KCNT2: variants seen among roughly 807,000 people sequenced by gnomAD.
KCNT2 encodes potassium sodium-activated channel subfamily T member 2, also known as potassium channel subfamily T member 2.
KCNT2 carries 67 observed loss-of-function variants against 153.8 expected under a neutral mutation model. That is an observed-to-expected ratio of 0.44 (90% CI 0.36 to 0.53). The LOEUF (loss-of-function observed/expected upper bound fraction) is 0.53. Among genes scored for constraint, KCNT2 ranks in the 20% least tolerant of loss-of-function variants. The probability of loss-of-function intolerance (pLI) is 0.00; values close to 1 mark genes in which losing one functional copy is unlikely to be tolerated. For synonymous variants in KCNT2, 500 were observed against 458.8 expected, an observed-to-expected ratio of 1.09 and a Z score of -1.15; for missense variants, 975 against 1,354.8, an observed-to-expected ratio of 0.72 and a Z score of 4.40.
At chr1:196,250,806 G>A (rs1443047296) in intron 26 of KCNT2, among the ~76,000 whole-genome samples, 1 of 151,874 alleles carries the variant, frequency 6.6e-6, no homozygotes, top group Non-Finnish European at 1.5e-5. Context: ...TTAAAAATGG[G>A]CAAAAGAGAT....
chr1:196,372,535 T>C (rs1043718603), intron 14 of KCNT2, among the ~76,000 whole-genome samples: 5 of 151,910 alleles, frequency 3.3e-5, no homozygotes, highest in African/African-American at 1.2e-4. Context: ...CAAAAACAAC[T>C]TCTGTATTTC....
At chr1:196,558,874 A>C (rs533877509) in intron 1 of KCNT2, among the ~76,000 whole-genome samples, 52 of 151,732 alleles carry the variant, frequency 3.4e-4, no homozygotes, top group Non-Finnish European at 5.5e-4. Flanking sequence ...ATCTTTAATT[A>C]CATCACACAA....
At chr1:196,540,930 G>A (rs1199072993) in intron 1 of KCNT2, among the ~76,000 whole-genome samples, 7 of 151,892 alleles carry the variant, frequency 4.6e-5, no homozygotes, top group African/African-American at 1.5e-4. Context: ...GCCAGGCGTG[G>A]TGGCGGGCGC....
intron 13 of KCNT2, among the ~76,000 whole-genome samples, chr1:196,394,419 G>C (rs1162291381): frequency 6.6e-6 from 1 of 151,554 alleles, no homozygotes; most frequent in Non-Finnish European, 1.5e-5. Flanking sequence ...ATGTGGGATT[G>C]GATGCAGAGA....
At chr1:196,398,839 G>A (rs1188073680) in intron 12 of KCNT2, among the ~76,000 whole-genome samples, 168 bp from the exon 13 acceptor site, 3 of 151,608 alleles carry the variant, frequency 2.0e-5, no homozygotes, top group Non-Finnish European at 1.5e-5. Flanking sequence ...GAAGAAGGTA[G>A]TAATAGCTAA....
intron 22 of KCNT2, among the ~76,000 whole-genome samples, chr1:196,303,055 T>C (rs1268097352): frequency 6.6e-6 from 1 of 152,020 alleles, no homozygotes; most frequent in South Asian, 2.1e-4. Flanking sequence ...GTCCCTTCCC[T>C]TTTCCTTGGA....
intron 1 of KCNT2, among the ~76,000 whole-genome samples, chr1:196,599,520 C>T (rs965451224): frequency 6.6e-6 from 1 of 152,110 alleles, no homozygotes; most frequent in African/African-American, 2.4e-5. Context: ...ACTCTGAATT[C>T]AAGGAATGTG....
chr1:196,226,084 T>C lies in KCNT2; in HGVS notation c.*2140A>G, dbSNP rs1653471010. 1 of 152,004 alleles carries C rather than the reference T, an allele frequency of 6.6e-6. No homozygotes were observed. The highest frequency in any genetic ancestry group is 2.4e-5 in the African/African-American group (1 of 41,430). The allele number at this position is 152,004 out of a possible 1,614,324, so 9.4% of individuals were successfully genotyped here. A position where few individuals can be genotyped will look rare whatever the true frequency, so the allele number is the denominator to read the frequency against. ...GACTAATGTTCATAGTCAAAAATAA[T>C]TATTTTAAAATTTATGAAACAAAAT... On this transcript the variant is annotated 3_prime_UTR_variant, in exon 28 of 28. Coordinates refer to ENST00000294725, the MANE Select transcript of KCNT2 (RefSeq NM_198503.5).
chr1:196,524,427 G>A (rs1379844082), intron 1 of KCNT2, among the ~76,000 whole-genome samples: 1 of 152,146 alleles, frequency 6.6e-6, no homozygotes, highest in African/African-American at 2.4e-5. Flanking sequence ...TGAGACAATG[G>A]ATGTCCAGTG....
At chr1:196,283,712 A>G (rs1023965965) in intron 23 of KCNT2, among the ~76,000 whole-genome samples, 2 of 152,192 alleles carry the variant, frequency 1.3e-5, no homozygotes, top group Non-Finnish European at 2.9e-5. Flanking sequence ...GAAGTCCTCT[A>G]CTTAAGTGTT....
chr1:196,407,649 C>T (rs1671940829), intron 12 of KCNT2, among the ~76,000 whole-genome samples: 1 of 151,362 alleles, frequency 6.6e-6, no homozygotes, highest in African/African-American at 2.4e-5. Flanking sequence ...AGTGAAAAAG[C>T]TTCCACAGCA....
At chr1:196,427,640 C>T (rs1011277305) in intron 10 of KCNT2, among the ~76,000 whole-genome samples, 10 of 152,076 alleles carry the variant, frequency 6.6e-5, no homozygotes, top group Non-Finnish European at 1.0e-4. Flanking sequence ...ATTTATACTT[C>T]AGGAAACAAA....
intron 13 of KCNT2, among the ~76,000 whole-genome samples, chr1:196,385,269 T>C (rs1322758848): frequency 1.3e-5 from 2 of 152,152 alleles, no homozygotes; most frequent in South Asian, 2.1e-4. Context: ...ATTCCAATCA[T>C]GTACTATCCA....
chr1:196,558,090 AC>A (rs1658913642), intron 1 of KCNT2, among the ~76,000 whole-genome samples: 1 of 151,404 alleles, frequency 6.6e-6, no homozygotes, highest in Non-Finnish European at 1.5e-5. Flanking sequence ...TCCAGAAAGC[AC>A]TTTTTAATTG....
At chr1:196,354,721 TA>T (rs1353963594) in intron 14 of KCNT2, among the ~76,000 whole-genome samples, 4 of 151,740 alleles carry the variant, frequency 2.6e-5, no homozygotes, top group Non-Finnish European at 5.9e-5. Flanking sequence ...TTTAAAGGTC[TA>T]AAATAAGTCA....
At chr1:196,244,804 G>A (rs1419316568) in intron 26 of KCNT2, among the ~76,000 whole-genome samples, 2 of 151,994 alleles carry the variant, frequency 1.3e-5, no homozygotes, top group African/African-American at 2.4e-5. Context: ...AAAAAAGATG[G>A]GCTGGTTTTG....
intron 8 of KCNT2, among the ~76,000 whole-genome samples, chr1:196,451,916 C>T (rs1320220530): frequency 6.6e-6 from 1 of 151,840 alleles, no homozygotes; most frequent in Non-Finnish European, 1.5e-5. Flanking sequence ...TGCTATTACA[C>T]TTTTCCTAGC....
At chr1:196,606,329 T>C (rs1001232463) in intron 1 of KCNT2, among the ~76,000 whole-genome samples, 2 of 152,154 alleles carry the variant, frequency 1.3e-5, no homozygotes. Context: ...CCTTCAAAGA[T>C]TAACAACAAA....
At chr1:196,276,343 T>G (rs1268664241) in intron 25 of KCNT2, among the ~76,000 whole-genome samples, 1 of 152,136 alleles carries the variant, frequency 6.6e-6, no homozygotes, top group Non-Finnish European at 1.5e-5. Context: ...CTAAGGTCAG[T>G]AATTGCTTTA....
Sources: allele counts gnomAD v4.1 joint callset (sites outside exome capture counted in the v4.1 genomes callset), GRCh38; gene constraint gnomAD v4.1.1; transcripts MANE v1.5; gene names NCBI Gene and HGNC (gene_info 2026-07-23, HGNC 2026-07-21).